The following HID1 variants were observed in gnomAD, a reference collection of about 807,000 sequenced individuals.
HID1 encodes the protein HID1 domain containing, also known as protein HID1.
Under a neutral mutation model 89.7 loss-of-function variants are expected in HID1, and 42 were observed. The observed-to-expected ratio is 0.47, with a 90% CI of 0.37 to 0.61. The LOEUF (loss-of-function observed/expected upper bound fraction) is 0.61. Among genes scored for constraint, HID1 ranks in the 20% least tolerant of loss-of-function variants. HID1 has a pLI of 0.00. For synonymous variants in HID1, 442 were observed against 433.8 expected (o/e 1.02, Z -0.24); for missense variants, 854 against 1,039.3 (o/e 0.82, Z 2.45).
At chr17:74,963,375 C>A in intron 3 of HID1, 1 of 494,614 alleles carries the variant, frequency 2.0e-6, no homozygotes, top group Admixed American at 3.6e-5. Context: ...GTGTTGCATC[C>A]CTCAGCACCT....
At chr17:74,967,017 G>A (rs2039573064) in intron 1 of HID1, among the ~76,000 whole-genome samples, 1 of 152,128 alleles carries the variant, frequency 6.6e-6, no homozygotes, top group Non-Finnish European at 1.5e-5. Context: ...AAGGCAGATG[G>A]ATCACAAGGT....
rs1002830861 is a variant in HID1, at chr17:74,951,224, T to C, written c.*346A>G. On this transcript the variant is annotated 3_prime_UTR_variant, in exon 19 of 19. Transcript: ENST00000425042. ...AAACCCCTTAGGGCACAGTGACCCA[T>C]TGGCTTCTGCCTCTGGGGCTGGGTA... 23 of 291,536 alleles carry C rather than the reference T, an allele frequency of 7.9e-5. No individual in the cohort carries two copies. The highest frequency in any genetic ancestry group is 1.7e-4 in the Admixed American group (3 of 17,222). 18.1% of individuals were successfully genotyped at this position (291,536 alleles called of 1,614,324 possible).
intron 12 of HID1, 148 bp from the exon 13 acceptor site, chr17:74,956,104 C>CA: frequency 1.3e-6 from 1 of 763,444 alleles, no homozygotes; most frequent in Non-Finnish European, 2.1e-6. Context: ...GAGGCTGAGT[C>CA]CACACTGGCC....
At position 74,958,328 on chromosome 17, in the gene HID1, A is replaced by G; in HGVS notation, c.1391T>C (p.Val464Ala). ...GCCCGGCCGCACGAGCCCCCTCACC[A>G]CAATGAGCAGGTCGGCGTGGGTCCC... ...FTGTHADLLIVVFHKIITSGH... is the reference protein window; with the variant it reads ...FTGTHADLLIAVFHKIITSGH... Residue 464 changes from valine to alanine, a missense_variant and splice_region_variant, in exon 11 of 19, where the codon GTG becomes GCG. Physicochemically the swap from Val to Ala is moderately conservative, Grantham distance 64 (BLOSUM62 0). Transcript: ENST00000425042. The surrounding 1 kb of genome is among the most constrained non-coding windows in gnomAD (Gnocchi z 5.2). The G allele has an allele frequency of 6.2e-7, 1 of 1,613,200 alleles. No individual in the cohort carries two copies.
At position 74,972,619 on chromosome 17, in the gene HID1, G is replaced by C; in HGVS notation, c.38C>G (p.Ala13Gly). The change falls in exon 1 of 19, where the codon GCG (alanine) becomes GGG (glycine). Residue 13 changes from alanine to glycine, a missense_variant. Physicochemically the swap from Ala to Gly is moderately conservative, Grantham distance 60. Transcript: ENST00000425042. This position sits in a 1 kb window ranked among gnomAD's most constrained non-coding sequence, Gnocchi z 6.4. The part of the protein sequence containing the change: ...STDSKLNFRK[A>G]VIQLTTKTQP... ...CGTCTTGGTGGTGAGCTGGATCACC[G>C]CCTTCCGGAAGTTCAGCTTGGAGTC... is the stretch of plus-strand genomic sequence containing the variant. The C allele has an allele frequency of 6.5e-7, 1 of 1,548,866 alleles. No individual in the cohort carries two copies. The highest frequency in any genetic ancestry group is 8.7e-7 in the Non-Finnish European group (1 of 1,145,670).
In HID1 at chr17:74,958,413, C is replaced by A; in HGVS notation, c.1306G>T (p.Gly436Trp). The A allele has an allele frequency of 6.2e-7, 1 of 1,607,140 alleles. No individual in the cohort carries two copies. The highest frequency in any genetic ancestry group is 2.2e-5 in the East Asian group (1 of 44,574). Residue 436 changes from glycine to tryptophan, a missense_variant, in exon 11 of 19, where the codon GGG becomes TGG. By Grantham distance (184) the Gly-to-Trp change is radical. Transcript: ENST00000425042. The surrounding 1 kb of genome is among the most constrained non-coding windows in gnomAD (Gnocchi z 5.2). ...LLLLSGERNF[G>W]VRLNKPYSIR... ...GAGTAGGGTTTGTTCAGCCGCACCC[C>A]GAAGTTCCGCTCCCCGCTCAGAAGC...
At chr17:74,969,579 G>C (rs1238056466) in intron 1 of HID1, among the ~76,000 whole-genome samples, 2 of 151,992 alleles carry the variant, frequency 1.3e-5, no homozygotes, top group African/African-American at 4.8e-5. Context: ...TAAAAATCCA[G>C]GTATTCTTCT....
intron 12 of HID1, among the ~76,000 whole-genome samples, chr17:74,957,226 C>T (rs1206636784): frequency 2.0e-5 from 3 of 151,890 alleles, no homozygotes; most frequent in African/African-American, 2.4e-5. Flanking sequence ...GTAACCCCAG[C>T]GCTTTGGGAG....
In HID1 at chr17:74,951,989, T is replaced by C; in HGVS notation, c.2219A>G (p.His740Arg). The stretch of plus-strand genomic sequence containing the variant: ...CTGGTACTTGCGGATGAGGATGGGG[T>C]GGGGCACGGGCAGCAGCCCCACCAG... ...GTLVGLLPVP[H>R]PILIRKYQAN... Residue 740 changes from histidine to arginine, a missense_variant, in exon 18 of 19, where the codon CAC becomes CGC. Transcript: ENST00000425042. The C allele has an allele frequency of 6.4e-7, 1 of 1,561,692 alleles. No individual in the cohort carries two copies. Among genetic ancestry groups the C allele is most frequent in the Non-Finnish European group, 8.7e-7 (1 of 1,153,004 alleles).
At chr17:74,955,536 T>C (rs916028825) in intron 13 of HID1, among the ~76,000 whole-genome samples, 3 of 152,132 alleles carry the variant, frequency 2.0e-5, no homozygotes, top group Non-Finnish European at 4.4e-5. Flanking sequence ...CATCATCTGT[T>C]TGAAGCCTCC....
Position 74,954,145 on chromosome 17 carries a change from A to T in HID1, c.1857T>A (p.Ala619=). The change falls in exon 14 of 19, where the codon GCT becomes GCA. Residue 619 remains alanine, a synonymous_variant. Coordinates refer to ENST00000425042, the MANE Select transcript of HID1 (RefSeq NM_030630.3). ...CATCCACTAGCACCAGACCTGGAGTAGCCACCAGACTGGTCTTGAGGGTGC... is the reference window on the plus strand; with the variant it reads ...CATCCACTAGCACCAGACCTGGAGTTGCCACCAGACTGGTCTTGAGGGTGC... ...EPGTLKTSLV[A]TPGIDKLTEK... The T allele has an allele frequency of 6.3e-7, 1 of 1,596,838 alleles. No individual in the cohort carries two copies.
At chr17:74,954,784 A>C in intron 13 of HID1, 1 of 217,666 alleles carries the variant, frequency 4.6e-6, no homozygotes, top group South Asian at 6.3e-5. Context: ...CCCAACGCTG[A>C]CTTCTCCTGG....
Position 74,958,747 on chromosome 17 carries a change from A to G in HID1, c.1166T>C (p.Val389Ala). 1 of 1,611,982 alleles carries G rather than the reference A, an allele frequency of 6.2e-7. No homozygotes were observed. The highest frequency in any genetic ancestry group is 8.5e-7 in the Non-Finnish European group (1 of 1,179,716). ...GTCTAGGACGTCGCTGCTCTTCAGC[A>G]CGAAGAAGAGGAATTTCTAGGGGTG... ...CDFNKKFLFF[V>A]LKSSDVLDIL... The change falls in exon 10 of 19, where the codon GTG (valine) becomes GCG (alanine). Residue 389 changes from valine (V) to alanine (A), a missense_variant. Val to Ala is a moderately conservative substitution (Grantham distance 64). Transcript: ENST00000425042. This position sits in a 1 kb window ranked among gnomAD's most constrained non-coding sequence, Gnocchi z 5.2.
Position 74,962,321 on chromosome 17 carries a change from T to C in HID1, c.524A>G (p.His175Arg), listed in dbSNP as rs2039495238. ...GATGTATTCACAGCTGTCCAGGGAG[T>C]GGACGTCCTCTGCCGAGTCCTGGGG... ...RSTVDSAEDV[H>R]SLDSCEYIWE... The change falls in exon 5 of 19, where the codon CAC becomes CGC. Residue 175 changes from histidine to arginine, a missense_variant. Transcript: ENST00000425042. This position sits in a 1 kb window ranked among gnomAD's most constrained non-coding sequence, Gnocchi z 4.3. 1.9e-6 allele frequency: 3 copies of C among 1,609,186 alleles called. No homozygotes were observed. The East Asian group carries it at 6.7e-5, about 36-fold the overall frequency.
Position 74,958,657 on chromosome 17 carries a change from C to A in HID1, c.1240+16G>T. ...CCAGGAAAGCCCCCAGCATCCCACC[C>A]CCACCCTGGTCTTACACTGATCGGC... On this transcript the variant is annotated intron_variant, in intron 10 of 18. Transcript: ENST00000425042. The surrounding 1 kb of genome is among the most constrained non-coding windows in gnomAD (Gnocchi z 5.2). 6.6e-7 allele frequency: 1 copy of A among 1,525,702 alleles called. No individual in the cohort carries two copies. The highest frequency in any genetic ancestry group is 1.1e-5 in the South Asian group (1 of 89,162). The allele number at this position is 1,525,702 out of a possible 1,614,324, so 94.5% of individuals were successfully genotyped here.
At position 74,962,867 on chromosome 17, in the gene HID1, C is replaced by A; in HGVS notation, c.504+98G>T. The A allele has an allele frequency of 1.2e-6, 1 of 849,364 alleles. No individual in the cohort carries two copies. Among genetic ancestry groups the A allele is most frequent in the Non-Finnish European group, 1.9e-6 (1 of 527,162 alleles). The allele number at this position is 849,364 out of a possible 1,614,324, so 52.6% of individuals were successfully genotyped here. On this transcript the variant is annotated intron_variant, in intron 4 of 18. Transcript: ENST00000425042. The surrounding 1 kb of genome is among the most constrained non-coding windows in gnomAD (Gnocchi z 4.3). ...CTCAGCTCTCCTGGAGCCCCCCGGC[C>A]CCCAGTGCAATCCGCCCAAGGGAAC...
At chr17:74,954,832 T>C (rs4789114) in intron 13 of HID1, 154,712 of 192,828 alleles carry the variant, frequency 0.8, 65,246 homozygotes, top group Non-Finnish European at 0.93. Flanking sequence ...TCCTGCCTTA[T>C]GCCATACTCT....
rs1376032880 is a variant in HID1 at position 74,952,376 on chromosome 17, G to A, written c.2053-16C>T. 6.2e-7 allele frequency: 1 copy of A among 1,608,568 alleles called. No homozygotes were observed. The highest frequency in any genetic ancestry group is 1.3e-5 in the African/African-American group (1 of 74,786). ...AGGAGAGGACCTGGCGAGGGACGGG[G>A]TTCCTGGGGCTGAGAAAGCAGCCCC... On this transcript the variant is annotated splice_polypyrimidine_tract_variant and intron_variant, in intron 16 of 18. Coordinates refer to ENST00000425042, the MANE Select transcript of HID1 (RefSeq NM_030630.3).
chr17:74,955,529 C>A (rs1269821910), intron 13 of HID1, among the ~76,000 whole-genome samples: 3 of 151,934 alleles, frequency 2.0e-5, no homozygotes, highest in African/African-American at 7.3e-5. Flanking sequence ...AGATGTCCAT[C>A]ATCTGTTTGA....
Sources: gnomAD v4.1 joint callset for allele counts (sites outside exome capture counted in the v4.1 genomes callset) on GRCh38, gnomAD v4.1.1 for gene constraint, Gnocchi (gnomAD v3.1) non-coding constraint, MANE v1.5 for transcripts, NCBI Gene and HGNC (gene_info 2026-07-23, HGNC 2026-07-21) for gene names.